The following ELAPOR1 variants were observed in gnomAD, a reference collection of about 807,000 sequenced individuals.
ELAPOR1 encodes the protein endosome-lysosome associated apoptosis and autophagy regulator 1, also known as endosome/lysosome-associated apoptosis and autophagy regulator 1.
Under a neutral mutation model 119.7 loss-of-function variants are expected in ELAPOR1, and 77 were observed. The ratio of observed to expected loss-of-function variants is 0.64; its 90% confidence interval spans 0.54 to 0.78. The LOEUF (loss-of-function observed/expected upper bound fraction) is 0.78. Ranked by LOEUF, ELAPOR1 falls within the 30% of genes least tolerant of loss-of-function variation. The pLI, the probability that ELAPOR1 is intolerant of heterozygous loss-of-function variation, is 0.00. For synonymous variants in ELAPOR1, 481 were observed against 487.2 expected (o/e 0.99, Z 0.17); for missense variants, 1,115 against 1,270.4 (o/e 0.88, Z 1.86).
In ELAPOR1 at chr1:109,172,549, A is replaced by G. The variant is rs777705511; in HGVS notation, c.677A>G (p.Lys226Arg). ...DDSRWMKTTE[K>R]GWEFHSVELN... is the part of the protein sequence containing the mutation. ...TCCAGGTGGATGAAGACCACAGAGA[A>G]AGGATGGGAATTCCACAGTGTGAGT... is the stretch of plus-strand genomic sequence containing the variant. Residue 226 changes from lysine (K) to arginine (R), a missense_variant, in exon 5 of 22, where the codon AAA (lysine) becomes AGA (arginine). Physicochemically the swap from Lys to Arg is conservative, Grantham distance 26. Transcript: ENST00000369939. 1.7e-5 allele frequency: 28 copies of G among 1,613,490 alleles called. No homozygotes were observed. Among genetic ancestry groups the G allele is most frequent in the Non-Finnish European group, 2.0e-5 (24 of 1,179,466 alleles).
chr1:109,193,761 T>C (rs528080798), intron 14 of ELAPOR1, among the ~76,000 whole-genome samples: 2 of 152,324 alleles, frequency 1.3e-5, no homozygotes, highest in South Asian at 2.1e-4. Context: ...ATCTGTGCAA[T>C]AAGTGCAGCG....
chr1:109,186,673 C>T, intron 8 of ELAPOR1: 1 of 985,444 alleles, frequency 1.0e-6, no homozygotes, highest in Non-Finnish European at 1.2e-6. Context: ...TTTTCATTTT[C>T]TTGGTCTCAG....
chr1:109,161,412 A>AG (rs1220797678), intron 1 of ELAPOR1, among the ~76,000 whole-genome samples: 2 of 146,492 alleles, frequency 1.4e-5, no homozygotes, highest in African/African-American at 5.3e-5. Flanking sequence ...TCCGTCTCAA[A>AG]AAAAAAAAAA....
At chr1:109,188,944 A>T in intron 9 of ELAPOR1, 122 bp from the exon 10 acceptor site, 1 of 1,097,374 alleles carries the variant, frequency 9.1e-7, no homozygotes, top group Non-Finnish European at 1.3e-6. Flanking sequence ...CTGCAGCAGT[A>T]CTCAGCAGCC....
chr1:109,175,563 G>A (rs12128540), intron 7 of ELAPOR1, among the ~76,000 whole-genome samples: 149,612 of 149,612 alleles, frequency 1, 74,806 homozygotes, highest in Non-Finnish European at 1. Flanking sequence ...GTGGTGGCTC[G>A]CGCCTGTAAT....
rs146910137 is a variant in ELAPOR1 at position 109,173,812 on chromosome 1, C to G, written c.927C>G (p.His309Gln). The G allele has an allele frequency of 4.5e-5, 72 of 1,614,082 alleles. No individual in the cohort carries two copies. The African/African-American group carries it at 9.6e-4, about 22-fold the overall frequency. The change falls in exon 7 of 22, where the codon CAC becomes CAG. Residue 309 changes from histidine to glutamine, a missense_variant. His to Gln is a conservative substitution (Grantham distance 24). Coordinates refer to ENST00000369939, the MANE Select transcript of ELAPOR1 (RefSeq NM_020775.5). Reference sequence around the variant, plus strand: ...CAAATAAAGGAGAAACTTCTTGCCACCAGTGTGACCCTGACAAATACTCAG... The same window carrying G: ...CAAATAAAGGAGAAACTTCTTGCCAGCAGTGTGACCCTGACAAATACTCAG... ...SYSNKGETSC[H>Q]QCDPDKYSEK...
intron 1 of ELAPOR1, among the ~76,000 whole-genome samples, chr1:109,156,513 C>T (rs1650882123): frequency 6.7e-6 from 1 of 150,236 alleles, no homozygotes; most frequent in Admixed American, 6.6e-5. Context: ...TAGCCCCTGA[C>T]AGACACCATT....
intron 1 of ELAPOR1, among the ~76,000 whole-genome samples, chr1:109,147,833 T>C (rs1650274787): frequency 6.6e-6 from 1 of 151,298 alleles, no homozygotes; most frequent in Admixed American, 6.6e-5. Flanking sequence ...TTATTATTTG[T>C]TTTTTATTTT....
intron 1 of ELAPOR1, among the ~76,000 whole-genome samples, chr1:109,157,678 G>A (rs1650968368): frequency 6.6e-6 from 1 of 152,090 alleles, no homozygotes; most frequent in Admixed American, 6.6e-5. Flanking sequence ...TGTGGGAAGG[G>A]GCGGTGGGAT....
chr1:109,142,988 C>T (rs1037942903), intron 1 of ELAPOR1, among the ~76,000 whole-genome samples: 3 of 151,134 alleles, frequency 2.0e-5, no homozygotes, highest in African/African-American at 4.9e-5. Context: ...CTCGCTCTGT[C>T]GCCCAGGCTG....
At chr1:109,172,083 T>A in intron 4 of ELAPOR1, 70 bp downstream of exon 4, 6 of 1,553,638 alleles carry the variant, frequency 3.9e-6, no homozygotes, top group Non-Finnish European at 5.3e-6. Flanking sequence ...GTTTGAGGAA[T>A]CCATCATGAG....
chr1:109,121,538 A>G (rs2100959952), intron 1 of ELAPOR1, among the ~76,000 whole-genome samples: 1 of 151,226 alleles, frequency 6.6e-6, no homozygotes, highest in East Asian at 2.0e-4. Flanking sequence ...ACAGCCTTGA[A>G]CTCGTGGCCT....
chr1:109,169,057 G>T (rs1379805428), intron 3 of ELAPOR1, among the ~76,000 whole-genome samples: 1 of 152,120 alleles, frequency 6.6e-6, no homozygotes, highest in Non-Finnish European at 1.5e-5. Context: ...CAGCATTAAA[G>T]GTTATCCCTT....
intron 1 of ELAPOR1, among the ~76,000 whole-genome samples, chr1:109,116,180 A>T (rs755662916): frequency 6.6e-6 from 1 of 152,244 alleles, no homozygotes. Flanking sequence ...CTGTTTGAAT[A>T]ACCAATATTT....
chr1:109,121,077 TAC>T (rs1648382958), intron 1 of ELAPOR1, among the ~76,000 whole-genome samples: 1 of 152,366 alleles, frequency 6.6e-6, no homozygotes, highest in South Asian at 2.1e-4. Flanking sequence ...CCAGATTTGG[TAC>T]AGTTTACAAA....
intron 1 of ELAPOR1, among the ~76,000 whole-genome samples, chr1:109,128,669 G>A (rs1648950521): frequency 6.6e-6 from 1 of 152,200 alleles, no homozygotes; most frequent in Non-Finnish European, 1.5e-5. Flanking sequence ...TGTGCCATTG[G>A]GTTAAAAAAG....
intron 17 of ELAPOR1, 150 bp downstream of exon 17, chr1:109,198,225 T>G: frequency 1.5e-6 from 1 of 667,970 alleles, no homozygotes; most frequent in South Asian, 1.8e-5. Context: ...AGCTAAGGGC[T>G]GGGAGTTCCT....
intron 1 of ELAPOR1, among the ~76,000 whole-genome samples, chr1:109,129,526 A>C (rs1322392873): frequency 6.6e-6 from 1 of 152,076 alleles, no homozygotes; most frequent in Non-Finnish European, 1.5e-5. Context: ...AAACCAACGA[A>C]ACAAAACAAA....
Position 109,189,584 on chromosome 1 carries a change from CT to C in ELAPOR1, c.1349-4del. The C allele has an allele frequency of 6.2e-7, 1 of 1,613,552 alleles. No homozygotes were observed. The highest frequency in any genetic ancestry group is 8.5e-7 in the Non-Finnish European group (1 of 1,179,578). ...CACAAGGCATTAACTCTCCTCTTTC[CT>C]TTTCAGGCTGGGAGGTGGCTGGTGA... On this transcript the variant is annotated splice_region_variant and splice_polypyrimidine_tract_variant and intron_variant, in intron 10 of 21. Transcript: ENST00000369939.
Sources: gnomAD v4.1 joint callset for allele counts (sites outside exome capture counted in the v4.1 genomes callset) on GRCh38, gnomAD v4.1.1 for gene constraint, MANE v1.5 for transcripts, NCBI Gene and HGNC (gene_info 2026-07-23, HGNC 2026-07-21) for gene names.